The following DEPDC1 variants were observed in gnomAD, a reference collection of about 807,000 sequenced individuals.
DEPDC1 encodes DEP domain-containing protein 1A.
DEPDC1 carries 66 observed loss-of-function variants against 86.8 expected under a neutral mutation model. That is an observed-to-expected ratio of 0.76 (90% confidence interval 0.62 to 0.93). DEPDC1 has a LOEUF of 0.93. Among genes scored for constraint, DEPDC1 ranks in the 40% least tolerant of loss-of-function variants. The probability of loss-of-function intolerance (pLI) is 0.00; values close to 1 mark genes in which losing one functional copy is unlikely to be tolerated. For synonymous variants in DEPDC1, 255 were observed against 314.9 expected (o/e 0.81, Z 2.02); for missense variants, 792 against 935.7 (o/e 0.85, Z 2.00).
At chr1:68,492,989 G>A (rs1010828041) in intron 2 of DEPDC1, among the ~76,000 whole-genome samples, 8 of 152,074 alleles carry the variant, frequency 5.3e-5, no homozygotes, top group Non-Finnish European at 8.8e-5. Context: ...AACATGGGCC[G>A]AAAGCTCAGG....
chr1:68,496,608 A>G lies in DEPDC1; in HGVS notation c.48+344T>C, dbSNP rs987356500. 10 of 267,988 alleles carry G rather than the reference A, an allele frequency of 3.7e-5. No homozygotes were observed. Among genetic ancestry groups the G allele is most frequent in the Admixed American group, 1.6e-4 (3 of 18,950 alleles). 16.6% of individuals were successfully genotyped at this position (267,988 alleles called of 1,614,324 possible). A position where few individuals can be genotyped will look rare whatever the true frequency, so the allele number is the denominator to read the frequency against. On this transcript the variant is annotated intron_variant, in intron 1 of 11. Transcript: ENST00000456315. This position sits in a 1 kb window ranked among gnomAD's most constrained non-coding sequence, Gnocchi z 4.0. ...TGTTCCCTAATTCTGAGGCGGGTAG[A>G]AAATCAGGCGAGGTGAGCGGCCAAA...
chr1:68,476,986 T>G lies in DEPDC1; in HGVS notation c.2382A>C (p.Thr794=), dbSNP rs1196803592. 1 of 1,607,622 alleles carries G rather than the reference T, an allele frequency of 6.2e-7. No homozygotes were observed. The highest frequency in any genetic ancestry group is 1.1e-5 in the South Asian group (1 of 90,228). Residue 794 remains threonine (T), a synonymous_variant, in exon 12 of 12, where the codon ACA becomes ACC. Coordinates refer to ENST00000456315, the MANE Select transcript of DEPDC1 (RefSeq NM_001114120.3). Reference sequence around the variant, plus strand: ...TTAAAATCAGCATTGGTTGCTTGATTGTAGGTTTGTCACCAAAAAGTGCTG... The same window carrying G: ...TTAAAATCAGCATTGGTTGCTTGATGGTAGGTTTGTCACCAAAAAGTGCTG... ...SEAALFGDKP[T]IKQPMLILRK...
intron 8 of DEPDC1, 23 bp from the exon 9 acceptor site, chr1:68,481,635 C>CA (rs3833522): frequency 0.78 from 1,207,295 of 1,540,112 alleles, 483,033 homozygotes; most frequent in Middle Eastern, 0.85. Flanking sequence ...AATACCCCCC[C>CA]AAAAATCATC....
chr1:68,480,148 T>C (rs1646145173), intron 9 of DEPDC1, among the ~76,000 whole-genome samples: 1 of 151,988 alleles, frequency 6.6e-6, no homozygotes, highest in African/African-American at 2.4e-5. Context: ...ACACACATTT[T>C]TCAATTCCAT....
In DEPDC1 at chr1:68,482,504, T is replaced by C. The variant is rs1646163591; in HGVS notation, c.1304A>G (p.Lys435Arg). The C allele has an allele frequency of 3.7e-6, 6 of 1,613,138 alleles. No individual in the cohort carries two copies. The East Asian group carries it at 1.3e-4, about 36-fold the overall frequency. ...TTGATGAAAGACACTGGATGCCTCTTTACTTGAATTCCCTGGCACATCTAC... is the reference window on the plus strand; with the variant it reads ...TTGATGAAAGACACTGGATGCCTCTCTACTTGAATTCCCTGGCACATCTAC... The part of the protein sequence containing the change: ...GIVDVPGNSS[K>R]EASSVFHQSF... Residue 435 changes from lysine (K) to arginine (R), a missense_variant, in exon 8 of 12, where the codon AAA becomes AGA. Lys to Arg is a conservative substitution (Grantham distance 26, BLOSUM62 2). Coordinates refer to ENST00000456315, the MANE Select transcript of DEPDC1 (RefSeq NM_001114120.3).
intron 7 of DEPDC1, 38 bp downstream of exon 7, chr1:68,483,912 T>G: frequency 7.8e-7 from 1 of 1,283,346 alleles, no homozygotes; most frequent in East Asian, 2.7e-5. Flanking sequence ...TTGAAAACTT[T>G]AACAAAATGA....
rs1441929378 is a variant in DEPDC1 at position 68,479,035 on chromosome 1, GTTGT to G, written c.2112+105_2112+108del. On this transcript the variant is annotated intron_variant, in intron 10 of 11. Transcript: ENST00000456315. ...CTGTCTACATTCCTGACTTTTAGAG[GTTGT>G]TTATGGGAGCTGATAAAGTCTCCCT... 15 of 895,584 alleles carry G rather than the reference GTTGT, an allele frequency of 1.7e-5. No homozygotes were observed. In the East Asian group the frequency reaches 3.8e-4, roughly 23 times the overall value. 55.5% of individuals were successfully genotyped at this position (895,584 alleles called of 1,614,324 possible). A position where few individuals can be genotyped will look rare whatever the true frequency, so the allele number is the denominator to read the frequency against.
In DEPDC1 at chr1:68,474,577, A is replaced by G. The variant is rs1482462137; in HGVS notation, c.*2355T>C. The G allele has an allele frequency of 1.3e-5, 2 of 152,100 alleles. No individual in the cohort carries two copies. The highest frequency in any genetic ancestry group is 2.1e-4 in the South Asian group (1 of 4,822). 9.4% of individuals were successfully genotyped at this position (152,100 alleles called of 1,614,324 possible). On this transcript the variant is annotated 3_prime_UTR_variant, in exon 12 of 12. Coordinates refer to ENST00000456315, the MANE Select transcript of DEPDC1 (RefSeq NM_001114120.3). ...CATTCCCACAATTAGGCTTTTTCAC[A>G]CTTTCTCTCTTTAAATGTGCAACAC...
intron 5 of DEPDC1, 98 bp from the exon 6 acceptor site, chr1:68,487,082 ACACATACACATACATGT>A (rs1209816625): frequency 2.1e-6 from 2 of 936,022 alleles, no homozygotes; most frequent in Non-Finnish European, 3.0e-6. Context: ...ATATGTATAT[ACACATACACATACATGT>A]TACATTTGTA....
At chr1:68,486,912 A>T in intron 6 of DEPDC1, 25 bp downstream of exon 6, 1 of 1,567,638 alleles carries the variant, frequency 6.4e-7, no homozygotes, top group Admixed American at 1.9e-5. Context: ...ACACACACAC[A>T]CACACACACA....
At chr1:68,478,456 T>C (rs981553447) in intron 10 of DEPDC1, among the ~76,000 whole-genome samples, 40 of 151,866 alleles carry the variant, frequency 2.6e-4, no homozygotes, top group African/African-American at 9.4e-4. Flanking sequence ...ATTTTTTTTT[T>C]TTTTGAGGCC....
At chr1:68,485,983 T>C (rs900885732) in intron 6 of DEPDC1, among the ~76,000 whole-genome samples, 2 of 152,126 alleles carry the variant, frequency 1.3e-5, no homozygotes, top group Non-Finnish European at 2.9e-5. Context: ...TCTTTGTACA[T>C]TTAAAAAATT....
Position 68,479,132 on chromosome 1 carries a change from C to G in DEPDC1, c.2112+12G>C, listed in dbSNP as rs764787421. 1 of 1,592,278 alleles carries G rather than the reference C, an allele frequency of 6.3e-7. No individual in the cohort carries two copies. Among genetic ancestry groups the G allele is most frequent in the East Asian group, 2.3e-5 (1 of 44,370 alleles). ...GACTATTGCAGAGAATTTTAAGACT[C>G]ACAATACTTACATGTCCCTTTTTTA... On this transcript the variant is annotated intron_variant, in intron 10 of 11. Coordinates refer to ENST00000456315, the MANE Select transcript of DEPDC1 (RefSeq NM_001114120.3).
At position 68,475,948 on chromosome 1, in the gene DEPDC1, C is replaced by T. The variant is rs1489037870; in HGVS notation, c.*984G>A. 2 of 151,720 alleles carry T rather than the reference C, an allele frequency of 1.3e-5. No homozygotes were observed. Among genetic ancestry groups the T allele is most frequent in the Non-Finnish European group, 3.0e-5 (2 of 67,780 alleles). The allele number at this position is 151,720 out of a possible 1,614,324, so 9.4% of individuals were successfully genotyped here. On this transcript the variant is annotated 3_prime_UTR_variant, in exon 12 of 12. Coordinates refer to ENST00000456315, the MANE Select transcript of DEPDC1 (RefSeq NM_001114120.3). ...CAGATTTAATTAGTGTAAGTTAGGC[C>T]CTGGGCATATAGGCTGTTTTAAAAT...
chr1:68,479,635 C>G (rs1440632516), intron 9 of DEPDC1, among the ~76,000 whole-genome samples: 1 of 151,628 alleles, frequency 6.6e-6, no homozygotes, highest in East Asian at 1.9e-4. Flanking sequence ...AAACCCTATA[C>G]CTATGAAGAA....
At position 68,476,787 on chromosome 1, in the gene DEPDC1, A is replaced by G. The variant is rs547743206; in HGVS notation, c.*145T>C. On this transcript the variant is annotated 3_prime_UTR_variant, in exon 12 of 12. Transcript: ENST00000456315. The stretch of plus-strand genomic sequence containing the variant: ...TTAGTTTCCTAAGAGTCTCACATTG[A>G]TAACTATTTTGGCACTTCCTTACAT... 6.2e-4 allele frequency: 398 copies of G among 637,448 alleles called. No individual in the cohort carries two copies. The highest frequency in any genetic ancestry group is 4.3e-3 in the Middle Eastern group (10 of 2,326). 39.5% of individuals were successfully genotyped at this position (637,448 alleles called of 1,614,324 possible).
chr1:68,487,988 C>T (rs532161933), intron 5 of DEPDC1, among the ~76,000 whole-genome samples: 1 of 151,996 alleles, frequency 6.6e-6, no homozygotes, highest in South Asian at 2.1e-4. Flanking sequence ...TACATAACTA[C>T]TCATGTAAGC....
intron 10 of DEPDC1, 96 bp from the exon 11 acceptor site, chr1:68,478,068 C>A (rs1646129719): frequency 1.2e-6 from 1 of 866,504 alleles, no homozygotes; most frequent in Non-Finnish European, 1.6e-6. Context: ...ATTAATTTAC[C>A]ACCAATCAAA....
intron 7 of DEPDC1, chr1:68,483,417 A>G (rs186534302): frequency 4.3e-6 from 2 of 463,826 alleles, no homozygotes; most frequent in Non-Finnish European, 8.4e-6. Flanking sequence ...ACCAACTACA[A>G]CCTTGTGGGA....
Sources: allele counts gnomAD v4.1 joint callset (sites outside exome capture counted in the v4.1 genomes callset), GRCh38; gene constraint gnomAD v4.1.1; non-coding constraint Gnocchi (gnomAD v3.1); transcripts MANE v1.5; gene names NCBI Gene and HGNC (gene_info 2026-07-23, HGNC 2026-07-21).